The following GOLGB1 variants were observed in gnomAD, a reference collection of about 807,000 sequenced individuals.
GOLGB1 encodes golgin B1.
Under a neutral mutation model 336.9 loss-of-function variants are expected in GOLGB1, and 174 were observed. The ratio of observed to expected loss-of-function variants is 0.52; its 90% confidence interval spans 0.46 to 0.59. The LOEUF is 0.59. Among genes scored for constraint, GOLGB1 ranks in the 20% least tolerant of loss-of-function variants. The probability of loss-of-function intolerance (pLI) is 0.00; values close to 1 mark genes in which losing one functional copy is unlikely to be tolerated. For missense variants in GOLGB1, 3,331 were observed against 3,645.3 expected (o/e 0.91, Z 2.22); for synonymous variants, 1,208 against 1,289.2 (o/e 0.94, Z 1.35).
At chr3:121,677,183 T>C (rs1391893106) in intron 16 of GOLGB1, 102 bp downstream of exon 16, 12 of 1,221,082 alleles carry the variant, frequency 9.8e-6, no homozygotes, top group Non-Finnish European at 1.4e-5. Context: ...AGGAAGCTGA[T>C]GCTTTCTGGG....
intron 1 of GOLGB1, among the ~76,000 whole-genome samples, chr3:121,745,363 CATAT>C (rs1947189059): frequency 8.6e-6 from 1 of 116,338 alleles, no homozygotes; most frequent in East Asian, 2.4e-4. Flanking sequence ...TGTATATATA[CATAT>C]GTACACGTGT....
chr3:121,683,066 T>A (rs1182563661), intron 14 of GOLGB1, among the ~76,000 whole-genome samples: 1 of 130,362 alleles, frequency 7.7e-6, no homozygotes, highest in East Asian at 2.1e-4. Context: ...TTTTTTTTTT[T>A]TTTTTTTTTT....
At chr3:121,677,208 A>AC in intron 16 of GOLGB1, 77 bp downstream of exon 16, 1 of 1,341,074 alleles carries the variant, frequency 7.5e-7, no homozygotes, top group South Asian at 1.3e-5. Flanking sequence ...GTCTTAAAAA[A>AC]AAAACAAAAC....
intron 5 of GOLGB1, among the ~76,000 whole-genome samples, chr3:121,723,429 T>C (rs1423082260): frequency 6.6e-6 from 1 of 152,248 alleles, no homozygotes; most frequent in Non-Finnish European, 1.5e-5. Context: ...TTAGTAACAG[T>C]TGATACCAAT....
rs1379145583 is a variant in GOLGB1, at chr3:121,694,018, C to T, written c.6505G>A (p.Val2169Ile). Residue 2169 changes from valine (V) to isoleucine (I), a missense_variant, in exon 13 of 22, where the codon GTT (valine) becomes ATT (isoleucine). Transcript: ENST00000614479. ...HLEETIGEIQ[V>I]TLNKKDKEVQ... ...TCCTTGTCTTTCTTGTTCAAAGTAA[C>T]CTGAATCTCTCCAATTGTCTCTTCC... 2 of 1,614,030 alleles carry T rather than the reference C, an allele frequency of 1.2e-6. No individual in the cohort carries two copies. The highest frequency in any genetic ancestry group is 1.7e-5 in the Admixed American group (1 of 60,004).
chr3:121,700,047 A>G (rs1943263428), intron 11 of GOLGB1, among the ~76,000 whole-genome samples, 162 bp from the exon 12 acceptor site: 1 of 152,154 alleles, frequency 6.6e-6, no homozygotes, highest in Non-Finnish European at 1.5e-5. Flanking sequence ...GCAAGAGGAT[A>G]TGATTACATG....
At chr3:121,678,992 TAA>T (rs202068344) in intron 15 of GOLGB1, among the ~76,000 whole-genome samples, 4 of 150,158 alleles carry the variant, frequency 2.7e-5, no homozygotes, top group African/African-American at 9.8e-5. Context: ...AAAACTGAAT[TAA>T]AAAAAAAATC....
At position 121,749,051 on chromosome 3, in the gene GOLGB1, T is replaced by A. The variant is rs1450401042; in HGVS notation, c.-3+581A>T. 1.2e-5 allele frequency: 3 copies of A among 259,604 alleles called. No homozygotes were observed. The Admixed American group carries it at 1.9e-4, about 17-fold the overall frequency. 16.1% of individuals were successfully genotyped at this position (259,604 alleles called of 1,614,324 possible). On this transcript the variant is annotated intron_variant, in intron 1 of 21. Coordinates refer to ENST00000614479, the MANE Select transcript of GOLGB1 (RefSeq NM_001366282.2). ...TTTCGTGTTGACGGGATCGTTGGGA[T>A]CTTTCCTCTCTTCTCATCTTTCCAG...
intron 10 of GOLGB1, among the ~76,000 whole-genome samples, chr3:121,710,171 T>C (rs999243117): frequency 6.6e-6 from 1 of 151,762 alleles, no homozygotes; most frequent in Non-Finnish European, 1.5e-5. Context: ...TATCAAAACC[T>C]TCCTAAAACT....
chr3:121,732,829 C>G (rs530803592), intron 1 of GOLGB1, among the ~76,000 whole-genome samples: 11 of 152,302 alleles, frequency 7.2e-5, no homozygotes, highest in Non-Finnish European at 1.0e-4. Flanking sequence ...GCAAAGATGT[C>G]TCTTACTACT....
intron 15 of GOLGB1, among the ~76,000 whole-genome samples, chr3:121,681,134 T>C (rs548844123): frequency 3.3e-5 from 5 of 152,342 alleles, no homozygotes; most frequent in Middle Eastern, 3.4e-3. Flanking sequence ...TGAAACATTA[T>C]TTATACTGAA....
chr3:121,695,922 G>A lies in GOLGB1; in HGVS notation c.4601C>T (p.Ala1534Val), dbSNP rs1242500847. ...SLADVESQVSAQNKEKDTVLG... is the reference protein window; with the variant it reads ...SLADVESQVSVQNKEKDTVLG... ...GACCGTATCTTTTTCTTTATTTTGA[G>A]CAGAAACTTGGCTTTCCACATCTGC... is the stretch of plus-strand genomic sequence containing the variant. Residue 1534 changes from alanine to valine, a missense_variant, in exon 13 of 22, where the codon GCT becomes GTT. Physicochemically the swap from Ala to Val is moderately conservative, Grantham distance 64. Transcript: ENST00000614479. 5 of 1,613,420 alleles carry A rather than the reference G, an allele frequency of 3.1e-6. No homozygotes were observed. The highest frequency in any genetic ancestry group is 4.2e-6 in the Non-Finnish European group (5 of 1,179,874).
intron 20 of GOLGB1, among the ~76,000 whole-genome samples, chr3:121,666,819 C>T (rs976270850): frequency 6.6e-6 from 1 of 152,196 alleles, no homozygotes; most frequent in Non-Finnish European, 1.5e-5. Context: ...ACTCTCTATC[C>T]TCTCATGCAT....
intron 21 of GOLGB1, 48 bp downstream of exon 21, chr3:121,664,878 G>T: frequency 8.8e-7 from 1 of 1,142,802 alleles, no homozygotes; most frequent in Non-Finnish European, 1.3e-6. Context: ...AGTATAGCCA[G>T]CCCTGTCAGA....
chr3:121,726,959 G>T lies in GOLGB1; in HGVS notation c.485C>A (p.Thr162Asn). ...KLQEKEELISTLQAQLTQAQA... is the reference protein window; with the variant it reads ...KLQEKEELISNLQAQLTQAQA... ...TGCCTGAGTAAGCTGGGCTTGCAAA[G>T]TGCTGATTAGTTCCTCCTTCTCCTG... Residue 162 changes from threonine (T) to asparagine (N), a missense_variant, in exon 5 of 22, where the codon ACT (threonine) becomes AAT (asparagine). Physicochemically the swap from Thr to Asn is moderately conservative, Grantham distance 65. Coordinates refer to ENST00000614479, the MANE Select transcript of GOLGB1 (RefSeq NM_001366282.2). 6.2e-7 allele frequency: 1 copy of T among 1,605,850 alleles called. No homozygotes were observed. Among genetic ancestry groups the T allele is most frequent in the African/African-American group, 1.3e-5 (1 of 74,740 alleles).
At position 121,726,767 on chromosome 3, in the gene GOLGB1, C is replaced by T. The variant is rs185371349; in HGVS notation, c.531+146G>A. The T allele has an allele frequency of 1.7e-4, 77 of 465,424 alleles. No homozygotes were observed. In the Middle Eastern group the frequency reaches 1.8e-3, roughly 11 times the overall value. 28.8% of individuals were successfully genotyped at this position (465,424 alleles called of 1,614,324 possible). On this transcript the variant is annotated intron_variant, in intron 5 of 21. Transcript: ENST00000614479. Reference sequence around the variant, plus strand: ...TGCATATTCTAATAAAATTACCAGACAAGAAGAAATGAAGAAAAGAAGGAG... The same window carrying T: ...TGCATATTCTAATAAAATTACCAGATAAGAAGAAATGAAGAAAAGAAGGAG...
rs1295735410 is a variant in GOLGB1, at chr3:121,694,426, A to G, written c.6097T>C (p.Cys2033Arg). 2.5e-6 allele frequency: 4 copies of G among 1,613,296 alleles called. No homozygotes were observed. Among genetic ancestry groups the G allele is most frequent in the East Asian group, 2.2e-5 (1 of 44,882 alleles). ...QQEVKQLQKD[C>R]IRYQEKISAL... ...CTAATTTTCTCTTGATACCTGATGC[A>G]GTCCTTCTGTAGCTGCTTTACTTCT... The change falls in exon 13 of 22, where the codon TGC (cysteine) becomes CGC (arginine). Residue 2033 changes from cysteine to arginine, a missense_variant. By Grantham distance (180) the Cys-to-Arg change is radical (BLOSUM62 -3). Coordinates refer to ENST00000614479, the MANE Select transcript of GOLGB1 (RefSeq NM_001366282.2).
intron 11 of GOLGB1, 46 bp downstream of exon 11, chr3:121,702,435 T>C (rs1431358866): frequency 1.3e-6 from 1 of 779,024 alleles, no homozygotes; most frequent in East Asian, 3.0e-5. Context: ...GTAGAGGCAC[T>C]TGTGGGATAA....
At chr3:121,720,954 C>A (rs948017213) in intron 6 of GOLGB1, among the ~76,000 whole-genome samples, 1 of 152,120 alleles carries the variant, frequency 6.6e-6, no homozygotes, top group Non-Finnish European at 1.5e-5. Context: ...TGCTTTGGCA[C>A]TTATTCGGAA....
Sources: gnomAD v4.1 joint callset for allele counts (sites outside exome capture counted in the v4.1 genomes callset) on GRCh38, gnomAD v4.1.1 for gene constraint, MANE v1.5 for transcripts, NCBI Gene and HGNC (gene_info 2026-07-23, HGNC 2026-07-21) for gene names.